FBXW12: variants seen among roughly 807,000 people sequenced by gnomAD.
The protein encoded by FBXW12 is F-box/WD repeat-containing protein 12.
A neutral mutation model predicts 55.3 loss-of-function variants in FBXW12; 43 were observed. The ratio of observed to expected loss-of-function variants is 0.78; its 90% CI spans 0.61 to 1.00. FBXW12 has a LOEUF of 1.00. Among genes scored for constraint, FBXW12 ranks in the 50% least tolerant of loss-of-function variants. The probability of loss-of-function intolerance (pLI) is 0.00; values close to 1 mark genes in which losing one functional copy is unlikely to be tolerated. For synonymous variants in FBXW12, 184 were observed against 203.8 expected (o/e 0.90, Z 0.83); for missense variants, 524 against 560.5 (o/e 0.93, Z 0.66).
intron 10 of FBXW12, among the ~76,000 whole-genome samples, chr3:48,393,754 T>C (rs77220828): frequency 0.013 from 1,919 of 151,370 alleles, 31 homozygotes; most frequent in African/African-American, 0.043. Flanking sequence ...TGAGACCCCA[T>C]CTCTATGAGA....
rs17080138 is a variant in FBXW12, at chr3:48,372,784, C to T, written c.17C>T (p.Pro6Leu). 30,970 of 1,614,160 alleles carry T rather than the reference C, an allele frequency of 0.019. 370 individuals carry two copies. Among genetic ancestry groups the T allele is most frequent in the Non-Finnish European group, 0.023 (27,118 of 1,179,998 alleles). The change falls in exon 2 of 11, where the codon CCT (proline) becomes CTT (leucine). Residue 6 changes from proline (P) to leucine (L), a missense_variant. By Grantham distance (98) the Pro-to-Leu change is moderately conservative (BLOSUM62 -3). Transcript: ENST00000296438. ...CCGCATGAAATGGAGATCCGATTGC[C>T]TGACTTAGCTTTGAAGCGAATCTTC... The part of the protein sequence containing the change: MEIRL[P>L]DLALKRIFSF...
intron 1 of FBXW12, 35 bp downstream of exon 1, chr3:48,372,355 C>G (rs2036614871): frequency 6.4e-7 from 1 of 1,550,514 alleles, no homozygotes; most frequent in Non-Finnish European, 8.7e-7. Flanking sequence ...GACTCCAATT[C>G]CAGGAGTTTG....
intron 2 of FBXW12, 30 bp downstream of exon 2, chr3:48,372,887 C>A (rs772504839): frequency 3.1e-6 from 5 of 1,596,008 alleles, no homozygotes; most frequent in Non-Finnish European, 4.3e-6. Flanking sequence ...CACTGCCCCC[C>A]AAGCCCGCTG....
intron 5 of FBXW12, among the ~76,000 whole-genome samples, chr3:48,376,094 G>A (rs953257298): frequency 6.9e-6 from 1 of 144,782 alleles, no homozygotes; most frequent in Non-Finnish European, 1.5e-5. Context: ...CGATTCTCGT[G>A]CCTCAGCCTC....
chr3:48,374,558 C>T (rs1419443170), intron 4 of FBXW12, among the ~76,000 whole-genome samples: 2 of 151,848 alleles, frequency 1.3e-5, no homozygotes, highest in African/African-American at 4.8e-5. Flanking sequence ...GAACTCCTGA[C>T]CTCAAGTGAT....
chr3:48,372,678 T>G lies in FBXW12; in HGVS notation c.-84-6T>G. On this transcript the variant is annotated splice_region_variant and splice_polypyrimidine_tract_variant and intron_variant, in intron 1 of 10. Coordinates refer to ENST00000296438, the MANE Select transcript of FBXW12 (RefSeq NM_207102.2). ...ACAGATGGGCATGGGTGAAAATCTT[T>G]ACAAGTGCTGCAGACTTTGGCAAAG... 2 of 1,608,550 alleles carry G rather than the reference T, an allele frequency of 1.2e-6. No homozygotes were observed. The highest frequency in any genetic ancestry group is 1.7e-6 in the Non-Finnish European group (2 of 1,175,994).
At chr3:48,380,043 G>T (rs1472933180) in intron 7 of FBXW12, 1 of 165,204 alleles carries the variant, frequency 6.1e-6, no homozygotes, top group Non-Finnish European at 1.3e-5. Flanking sequence ...AACAGAAAAG[G>T]TCAAAACTCC....
rs137962592 is a variant in FBXW12, at chr3:48,379,545, G to T, written c.761G>T (p.Arg254Leu). The change falls in exon 7 of 11, where the codon CGT becomes CTT. Residue 254 changes from arginine (R) to leucine (L), a missense_variant. Coordinates refer to ENST00000296438, the MANE Select transcript of FBXW12 (RefSeq NM_207102.2). Reference sequence around the variant, plus strand: ...GTATTTGCATGTGGGACATACAGTCGTACCTTGCCACAGGTAGGTGCTGTT... The same window carrying T: ...GTATTTGCATGTGGGACATACAGTCTTACCTTGCCACAGGTAGGTGCTGTT... ...KWVFACGTYS[R>L]TLPQVFLTES... is the part of the protein sequence containing the mutation. 1.2e-6 allele frequency: 2 copies of T among 1,613,642 alleles called. No individual in the cohort carries two copies. Among genetic ancestry groups the T allele is most frequent in the South Asian group, 2.2e-5 (2 of 91,070 alleles).
chr3:48,375,271 A>G lies in FBXW12; in HGVS notation c.287-83A>G, dbSNP rs142246650. ...GTTACCCAAACCTTCCTAAGAGGGT[A>G]CAGAAATATTTTAAATTATCTTCTT... On this transcript the variant is annotated intron_variant, in intron 4 of 10. Transcript: ENST00000296438. 7.7e-5 allele frequency: 68 copies of G among 881,326 alleles called. No homozygotes were observed. In the African/African-American group the frequency reaches 9.7e-4, roughly 13 times the overall value. 54.6% of individuals were successfully genotyped at this position (881,326 alleles called of 1,614,324 possible). A position where few individuals can be genotyped will look rare whatever the true frequency, so the allele number is the denominator to read the frequency against.
intron 10 of FBXW12, 46 bp from the exon 11 acceptor site, chr3:48,394,514 C>T: frequency 9.2e-7 from 1 of 1,082,926 alleles, no homozygotes; most frequent in Non-Finnish European, 1.4e-6. Context: ...ATGGATGTAC[C>T]TACTTTCTCT....
intron 5 of FBXW12, among the ~76,000 whole-genome samples, chr3:48,378,020 G>T (rs182136885): frequency 6.6e-6 from 1 of 152,294 alleles, no homozygotes; most frequent in Non-Finnish European, 1.5e-5. Flanking sequence ...AGGCATGATA[G>T]AAAGTGACTT....
chr3:48,378,602 C>T, intron 6 of FBXW12, 76 bp downstream of exon 6: 1 of 905,190 alleles, frequency 1.1e-6, no homozygotes. Context: ...TGTCACATTA[C>T]TGTCCTATCC....
At chr3:48,391,632 T>C (rs2036930831) in intron 10 of FBXW12, among the ~76,000 whole-genome samples, 1 of 152,224 alleles carries the variant, frequency 6.6e-6, no homozygotes, top group South Asian at 2.1e-4. Flanking sequence ...GGATTTGTCA[T>C]TGATGGCTCT....
chr3:48,380,865 C>A lies in FBXW12; in HGVS notation c.938C>A (p.Thr313Asn). The change falls in exon 8 of 11, where the codon ACC becomes AAC. Residue 313 changes from threonine to asparagine, a missense_variant. Thr to Asn is a moderately conservative substitution (Grantham distance 65, BLOSUM62 0). Coordinates refer to ENST00000296438, the MANE Select transcript of FBXW12 (RefSeq NM_207102.2). ...SSTGKKTEFI[T>N]FDLTTKKTGG... ...ACTGGAAAAAAGACAGAATTTATCACCTTTGATCTAACAACCAAGAAGACT... is the reference window on the plus strand; with the variant it reads ...ACTGGAAAAAAGACAGAATTTATCAACTTTGATCTAACAACCAAGAAGACT... The A allele has an allele frequency of 1.2e-6, 2 of 1,614,146 alleles. No homozygotes were observed. Among genetic ancestry groups the A allele is most frequent in the Non-Finnish European group, 1.7e-6 (2 of 1,180,042 alleles).
chr3:48,375,978 T>TTC (rs1387239994), intron 5 of FBXW12, among the ~76,000 whole-genome samples: 1 of 120,174 alleles, frequency 8.3e-6, no homozygotes. Context: ...CCCGGCCTTT[T>TTC]TTTTTTTTTT....
intron 10 of FBXW12, among the ~76,000 whole-genome samples, chr3:48,393,528 C>T (rs1364249768): frequency 2.0e-5 from 3 of 152,162 alleles, no homozygotes; most frequent in Non-Finnish European, 2.9e-5. Context: ...ATGCTCCCAC[C>T]ATTTCCTCAT....
At position 48,372,313 on chromosome 3, in the gene FBXW12, A is replaced by T. The variant is rs1487135542; in HGVS notation, c.-92A>T. The T allele has an allele frequency of 9.0e-6, 14 of 1,552,170 alleles. No homozygotes were observed. The East Asian group carries it at 3.2e-4, about 35-fold the overall frequency. On this transcript the variant is annotated 5_prime_UTR_variant, in exon 1 of 11. Coordinates refer to ENST00000296438, the MANE Select transcript of FBXW12 (RefSeq NM_207102.2). ...ATGAGCCCCACTCACCAGATTCAAG[A>T]TCCCAAGGTAGGCACAGACACAGGG...
At chr3:48,379,286 C>T (rs2036729685) in intron 6 of FBXW12, 114 bp from the exon 7 acceptor site, 3 of 977,770 alleles carry the variant, frequency 3.1e-6, no homozygotes, top group Non-Finnish European at 4.8e-6. Flanking sequence ...TTTTGATCTC[C>T]ATTATGTGAT....
intron 5 of FBXW12, among the ~76,000 whole-genome samples, chr3:48,377,595 T>C (rs959223866): frequency 1.5e-4 from 23 of 152,242 alleles, no homozygotes; most frequent in African/African-American, 5.5e-4. Flanking sequence ...AAAGCCTGTT[T>C]TAAGCCACTA....
Sources: allele counts gnomAD v4.1 joint callset (sites outside exome capture counted in the v4.1 genomes callset), GRCh38; gene constraint gnomAD v4.1.1; transcripts MANE v1.5; gene names NCBI Gene and HGNC (gene_info 2026-07-23, HGNC 2026-07-21).